The following ANKRD44 variants were observed in gnomAD, a reference collection of about 807,000 sequenced individuals.
ANKRD44 encodes serine/threonine-protein phosphatase 6 regulatory ankyrin repeat subunit B.
In ANKRD44, 35 loss-of-function variants were observed where a neutral mutation model predicts 116.0. The ratio of observed to expected loss-of-function variants is 0.30; its 90% CI spans 0.23 to 0.40. The LOEUF (loss-of-function observed/expected upper bound fraction) is 0.40. ANKRD44 is among the 10% of genes least tolerant of loss of function. The pLI, the probability that ANKRD44 is intolerant of heterozygous loss-of-function variation, is 1.00. For missense variants in ANKRD44, 1,014 were observed against 1,242.6 expected (o/e 0.82, Z 2.77); for synonymous variants, 435 against 461.8 (o/e 0.94, Z 0.74).
At chr2:197,238,415 T>C (rs1241581214) in intron 1 of ANKRD44, among the ~76,000 whole-genome samples, 5 of 152,222 alleles carry the variant, frequency 3.3e-5, no homozygotes, top group African/African-American at 4.8e-5. Context: ...GTCAACTGGC[T>C]CTACATACTA....
At chr2:197,184,368 G>A (rs768309385) in intron 2 of ANKRD44, among the ~76,000 whole-genome samples, 8 of 152,248 alleles carry the variant, frequency 5.3e-5, no homozygotes, top group African/African-American at 1.9e-4. Context: ...GTGGCCGGGC[G>A]CAGTAGCTCA....
chr2:197,294,338 G>A (rs1025932275), intron 1 of ANKRD44, among the ~76,000 whole-genome samples: 1 of 152,106 alleles, frequency 6.6e-6, no homozygotes, highest in East Asian at 1.9e-4. Flanking sequence ...TTTCACTTCT[G>A]AGAAAAGTGA....
intron 9 of ANKRD44, among the ~76,000 whole-genome samples, chr2:197,106,838 A>G (rs1474951136): frequency 2.0e-5 from 3 of 148,888 alleles, no homozygotes; most frequent in Non-Finnish European, 4.4e-5. Flanking sequence ...AACATAACTT[A>G]GTGGAAAAAT....
At chr2:197,026,860 A>G (rs2076604983) in intron 16 of ANKRD44, among the ~76,000 whole-genome samples, 1 of 151,988 alleles carries the variant, frequency 6.6e-6, no homozygotes, top group Non-Finnish European at 1.5e-5. Context: ...TTGGAGGTAA[A>G]ATCAACAGGA....
At chr2:197,232,778 C>G (rs1361796528) in intron 1 of ANKRD44, among the ~76,000 whole-genome samples, 2 of 152,188 alleles carry the variant, frequency 1.3e-5, no homozygotes, top group African/African-American at 4.8e-5. Context: ...CCCTTCTCGC[C>G]TCATTTATTC....
At chr2:197,175,827 T>G (rs1227526262) in intron 2 of ANKRD44, among the ~76,000 whole-genome samples, 2 of 152,228 alleles carry the variant, frequency 1.3e-5, no homozygotes, top group Non-Finnish European at 2.9e-5. Flanking sequence ...ATTTCTGTAC[T>G]CAGAGCATTT....
At chr2:197,065,729 A>C (rs1259833505) in intron 16 of ANKRD44, among the ~76,000 whole-genome samples, 1 of 152,106 alleles carries the variant, frequency 6.6e-6, no homozygotes. Flanking sequence ...GGACATATAC[A>C]CCCTCCCAAG....
intron 25 of ANKRD44, among the ~76,000 whole-genome samples, chr2:196,995,705 A>C (rs532523581): frequency 2.0e-5 from 3 of 152,332 alleles, no homozygotes; most frequent in South Asian, 4.1e-4. Flanking sequence ...AATACTGCTA[A>C]GATAAATTTT....
chr2:197,305,550 A>G (rs1247115685), intron 1 of ANKRD44, among the ~76,000 whole-genome samples: 1 of 152,180 alleles, frequency 6.6e-6, no homozygotes, highest in Non-Finnish European at 1.5e-5. Flanking sequence ...TGCCTTTTTG[A>G]GTTCGTATTT....
chr2:197,033,434 G>A (rs929414199), intron 16 of ANKRD44, among the ~76,000 whole-genome samples: 1 of 152,152 alleles, frequency 6.6e-6, no homozygotes, highest in Non-Finnish European at 1.5e-5. Flanking sequence ...TCTCCTAGGG[G>A]CCTTACATGA....
chr2:197,153,837 G>A (rs960512430), intron 2 of ANKRD44, among the ~76,000 whole-genome samples: 1 of 152,204 alleles, frequency 6.6e-6, no homozygotes, highest in African/African-American at 2.4e-5. Flanking sequence ...GTGTGTGTTT[G>A]TGTGTATAAG....
intron 16 of ANKRD44, among the ~76,000 whole-genome samples, chr2:197,041,806 T>A (rs973729379): frequency 3.9e-5 from 6 of 152,020 alleles, no homozygotes; most frequent in African/African-American, 9.7e-5. Flanking sequence ...CAAAAATAAA[T>A]CTCACCACAG....
chr2:197,155,850 A>C (rs1473865198), intron 2 of ANKRD44, among the ~76,000 whole-genome samples: 1 of 152,250 alleles, frequency 6.6e-6, no homozygotes, highest in Non-Finnish European at 1.5e-5. Flanking sequence ...CCACTCTTTG[A>C]AACACACTGG....
chr2:197,073,366 G>A (rs2077600365), intron 16 of ANKRD44, among the ~76,000 whole-genome samples: 1 of 152,118 alleles, frequency 6.6e-6, no homozygotes, highest in East Asian at 1.9e-4. Flanking sequence ...AGGAATCCTG[G>A]GTCTCCTGAC....
intron 17 of ANKRD44, among the ~76,000 whole-genome samples, chr2:197,022,022 C>T (rs1330315496): frequency 6.6e-6 from 1 of 152,158 alleles, no homozygotes; most frequent in Non-Finnish European, 1.5e-5. Context: ...GCCAATAACC[C>T]TGGAGATTTG....
chr2:197,087,872 A>T (rs1263149898), intron 12 of ANKRD44, among the ~76,000 whole-genome samples: 1 of 152,174 alleles, frequency 6.6e-6, no homozygotes, highest in Non-Finnish European at 1.5e-5. Flanking sequence ...AAAATAATAC[A>T]AAATTATGAA....
rs369869353 is a variant in ANKRD44, at chr2:197,158,632, A to C, written c.112-11527T>G. Among the ~76,000 whole-genome samples the C allele has an allele frequency of 3.9e-5, 6 of 152,336 alleles. No homozygotes were observed. In the East Asian group the frequency reaches 7.7e-4, roughly 20 times the overall value. On this transcript the variant is annotated intron_variant, in intron 2 of 27. Coordinates refer to ENST00000282272, the MANE Select transcript of ANKRD44 (RefSeq NM_001195144.2). Reference sequence around the variant, plus strand: ...AGTTTGTCATCAGATAAATGAACACACAGTGTCAGGATCAAAATCACAGGA... The same window carrying C: ...AGTTTGTCATCAGATAAATGAACACCCAGTGTCAGGATCAAAATCACAGGA...
chr2:197,296,451 G>A (rs931179700), intron 1 of ANKRD44: 1 of 152,170 alleles, frequency 6.6e-6, no homozygotes, highest in Non-Finnish European at 1.5e-5. Context: ...AAGGATCAAT[G>A]TCAATTATTT....
intron 10 of ANKRD44, among the ~76,000 whole-genome samples, chr2:197,098,279 A>C (rs2078209388): frequency 6.6e-6 from 1 of 152,140 alleles, no homozygotes; most frequent in Non-Finnish European, 1.5e-5. Flanking sequence ...TGTTGGACAG[A>C]TGAAGATAAA....
Sources: allele counts gnomAD v4.1 joint callset (sites outside exome capture counted in the v4.1 genomes callset), GRCh38; gene constraint gnomAD v4.1.1; transcripts MANE v1.5; gene names NCBI Gene and HGNC (gene_info 2026-07-23, HGNC 2026-07-21).